USP34: variants seen among roughly 807,000 people sequenced by gnomAD.
The protein encoded by USP34 is ubiquitin carboxyl-terminal hydrolase 34.
A neutral mutation model predicts 460.3 loss-of-function variants in USP34; 70 were observed. That is an observed-to-expected ratio of 0.15 (90% CI 0.13 to 0.19). The LOEUF (loss-of-function observed/expected upper bound fraction) is 0.19. USP34 is among the 10% of genes least tolerant of loss of function. The pLI, the probability that USP34 is intolerant of heterozygous loss-of-function variation, is 1.00. For missense variants in USP34, 3,985 were observed against 4,236.2 expected (o/e 0.94, Z 1.65); for synonymous variants, 1,647 against 1,405.3 (o/e 1.17, Z -3.85).
chr2:61,417,401 A>T, intron 2 of USP34: 1 of 486,338 alleles, frequency 2.1e-6, no homozygotes, highest in Non-Finnish European at 3.8e-6. Context: ...CTTACAGCCA[A>T]AGTTGTGACA....
Position 61,194,324 on chromosome 2 carries a change from C to A in USP34, c.9509-1344G>T, listed in dbSNP as rs557461793. 3 of 984,064 alleles carry A rather than the reference C, an allele frequency of 3.0e-6. No homozygotes were observed. The African/African-American group carries it at 5.2e-5, about 17-fold the overall frequency. The allele number at this position is 984,064 out of a possible 1,614,324, so 61.0% of individuals were successfully genotyped here. A position where few individuals can be genotyped will look rare whatever the true frequency, so the allele number is the denominator to read the frequency against. The stretch of plus-strand genomic sequence containing the variant: ...ATACCCACCACGGTATCACCACACA[C>A]ATAGGTAAACAAGGACATGTCATCA... On this transcript the variant is annotated intron_variant, in intron 75 of 79. Coordinates refer to ENST00000398571, the MANE Select transcript of USP34 (RefSeq NM_014709.4).
At chr2:61,420,936 T>A (rs1159248092) in intron 1 of USP34, 103 bp from the exon 2 acceptor site, 1 of 721,130 alleles carries the variant, frequency 1.4e-6, no homozygotes, top group Non-Finnish European at 2.1e-6. Context: ...ACATTTCAGA[T>A]AATCATTCTT....
At chr2:61,189,263 T>G (rs921357563) in intron 78 of USP34, 194 bp from the exon 79 acceptor site, 41 of 544,614 alleles carry the variant, frequency 7.5e-5, no homozygotes, top group South Asian at 3.6e-5. Context: ...TTAGTTGTTT[T>G]TTTTTTTTGT....
At chr2:61,470,216 G>A (rs1279862893) in intron 1 of USP34, among the ~76,000 whole-genome samples, 2 of 152,192 alleles carry the variant, frequency 1.3e-5, no homozygotes, top group South Asian at 2.1e-4. Flanking sequence ...GCAGGTAAGA[G>A]AGGCCTCGGC....
At chr2:61,371,063 G>A (rs1692610143) in intron 8 of USP34, among the ~76,000 whole-genome samples, 1 of 152,192 alleles carries the variant, frequency 6.6e-6, no homozygotes. Context: ...GATGAAAAGT[G>A]AAGTAACAGA....
At chr2:61,190,680 T>C (rs577667626) in intron 76 of USP34, 22 bp from the exon 77 acceptor site, 1 of 1,606,552 alleles carries the variant, frequency 6.2e-7, no homozygotes, top group East Asian at 2.2e-5. Context: ...AGAAGATGGT[T>C]GAGCACTTAC....
At chr2:61,468,961 C>A (rs1222791257) in intron 1 of USP34, among the ~76,000 whole-genome samples, 1 of 152,192 alleles carries the variant, frequency 6.6e-6, no homozygotes, top group Non-Finnish European at 1.5e-5. Flanking sequence ...GTAATCCCAG[C>A]ACTTTGGGAG....
intron 37 of USP34, among the ~76,000 whole-genome samples, chr2:61,281,769 C>A (rs886421377): frequency 2.0e-5 from 3 of 151,952 alleles, no homozygotes; most frequent in African/African-American, 7.3e-5. Flanking sequence ...AAAATAATGA[C>A]AACAGGTAAA....
At chr2:61,403,023 C>T (rs534893921) in intron 3 of USP34, among the ~76,000 whole-genome samples, 3 of 152,076 alleles carry the variant, frequency 2.0e-5, no homozygotes, top group East Asian at 1.9e-4. Context: ...ATAGAAACCT[C>T]GGAAACAACT....
intron 10 of USP34, among the ~76,000 whole-genome samples, chr2:61,365,007 A>G (rs58835635): frequency 0.027 from 4,083 of 152,082 alleles, 190 homozygotes; most frequent in African/African-American, 0.094. Flanking sequence ...TAATCCCAGC[A>G]ATTTGGGAGA....
At chr2:61,428,636 T>C (rs1374659) in intron 1 of USP34, among the ~76,000 whole-genome samples, 2,282 of 152,230 alleles carry the variant, frequency 0.015, 68 homozygotes, top group African/African-American at 0.051. Context: ...CAAAGCATAA[T>C]AATTACACAA....
At chr2:61,268,101 C>T (rs1417617421) in intron 41 of USP34, among the ~76,000 whole-genome samples, 1 of 152,056 alleles carries the variant, frequency 6.6e-6, no homozygotes, top group East Asian at 1.9e-4. Context: ...TACTCATATA[C>T]TTCACAGAAA....
intron 43 of USP34, among the ~76,000 whole-genome samples, chr2:61,262,088 CAAAAAAAAAAAAAAAAA>C (rs61651654): frequency 2.1e-5 from 1 of 46,826 alleles, no homozygotes; most frequent in Non-Finnish European, 3.5e-5. Context: ...AAGACTTCGT[CAAAAAAAAAAAAAAAAA>C]AAAAAAAAAA....
intron 75 of USP34, among the ~76,000 whole-genome samples, chr2:61,198,313 CTG>C (rs1401478167): frequency 6.6e-6 from 1 of 152,072 alleles, no homozygotes; most frequent in Non-Finnish European, 1.5e-5. Context: ...ATGAACATGC[CTG>C]TCTTATTTGT....
At chr2:61,273,206 CATA>C (rs1689268761) in intron 41 of USP34, among the ~76,000 whole-genome samples, 1 of 152,020 alleles carries the variant, frequency 6.6e-6, no homozygotes, top group Admixed American at 6.5e-5. Context: ...AAATAAAAAA[CATA>C]AAACGATTGG....
chr2:61,262,088 CAAAAAAAAAAAAAAAAAAAAAAAAAA>C (rs61651654), intron 43 of USP34, among the ~76,000 whole-genome samples: 2 of 46,826 alleles, frequency 4.3e-5, no homozygotes, highest in South Asian at 1.6e-3. Context: ...AAGACTTCGT[CAAAAAAAAAAAAAAAAAAAAAAAAAA>C]AAATATATAT....
chr2:61,225,367 AC>A (rs1444676216), intron 62 of USP34, among the ~76,000 whole-genome samples: 2 of 151,950 alleles, frequency 1.3e-5, no homozygotes, highest in Admixed American at 6.6e-5. Flanking sequence ...GGAAAATTTT[AC>A]AATTCTTTTT....
chr2:61,294,295 G>A (rs1019040748), intron 32 of USP34, among the ~76,000 whole-genome samples: 41 of 149,234 alleles, frequency 2.7e-4, no homozygotes, highest in African/African-American at 1.0e-3. Context: ...GCAGCAAGCA[G>A]AGATCGCGCT....
intron 21 of USP34, among the ~76,000 whole-genome samples, chr2:61,321,351 G>A (rs766968299): frequency 6.6e-6 from 1 of 151,434 alleles, no homozygotes; most frequent in Non-Finnish European, 1.5e-5. Flanking sequence ...CATGCCTGTA[G>A]TCCCAGCTGC....
Sources: gnomAD v4.1 joint callset for allele counts (sites outside exome capture counted in the v4.1 genomes callset) on GRCh38, gnomAD v4.1.1 for gene constraint, MANE v1.5 for transcripts, NCBI Gene and HGNC (gene_info 2026-07-23, HGNC 2026-07-21) for gene names.